The following BANK1 variants were observed in gnomAD, a reference collection of about 807,000 sequenced individuals.
The protein encoded by BANK1 is B-cell scaffold protein with ankyrin repeats.
In BANK1, 95 loss-of-function variants were observed where a neutral mutation model predicts 94.5. The observed-to-expected ratio is 1.00, with a 90% CI of 0.85 to 1.19. The LOEUF (loss-of-function observed/expected upper bound fraction) is 1.19. BANK1 is among the 50% of genes most tolerant of loss of function. The pLI is 0.00. For synonymous variants in BANK1, 334 were observed against 308.4 expected (o/e 1.08, Z -0.87); for missense variants, 987 against 932.2 (o/e 1.06, Z -0.77).
At position 101,803,728 on chromosome 4, in the gene BANK1, T is replaced by C. The variant is rs575040249; in HGVS notation, c.70+12778T>C. ...AAATATATAAAAAGGCCGGGCGCGG[T>C]GGCTCACGCCTGTAATCCCAGCACT... is the stretch of plus-strand genomic sequence containing the variant. On this transcript the variant is annotated intron_variant, in intron 1 of 16. Coordinates refer to ENST00000322953, the MANE Select transcript of BANK1 (RefSeq NM_017935.5). Among the ~76,000 whole-genome samples the C allele has an allele frequency of 9.2e-5, 14 of 152,080 alleles. No homozygotes were observed. The South Asian group carries it at 1.5e-3, about 16-fold the overall frequency.
At chr4:102,027,713 A>G (rs1248293463) in intron 9 of BANK1, among the ~76,000 whole-genome samples, 1 of 152,042 alleles carries the variant, frequency 6.6e-6, no homozygotes, top group African/African-American at 2.4e-5. Context: ...TAGGCATCAA[A>G]TTCCTCACAG....
At chr4:101,915,529 C>A (rs548969320) in intron 6 of BANK1, among the ~76,000 whole-genome samples, 1 of 152,062 alleles carries the variant, frequency 6.6e-6, no homozygotes, top group African/African-American at 2.4e-5. Context: ...TATGAAGTTT[C>A]TTGAGACAAT....
intron 4 of BANK1, among the ~76,000 whole-genome samples, chr4:101,868,056 T>A (rs180979540): frequency 1.8e-4 from 27 of 152,064 alleles, no homozygotes; most frequent in Admixed American, 2.6e-4. Context: ...AATAATATGT[T>A]GTCTATAAAA....
intron 7 of BANK1, among the ~76,000 whole-genome samples, chr4:101,964,054 A>T (rs1277042082): frequency 6.6e-6 from 1 of 152,110 alleles, no homozygotes; most frequent in African/African-American, 2.4e-5. Context: ...AGTGGGAACT[A>T]TCATTTTGTC....
chr4:101,812,177 C>T (rs2148854861), intron 1 of BANK1, among the ~76,000 whole-genome samples: 1 of 151,850 alleles, frequency 6.6e-6, no homozygotes, highest in African/African-American at 2.4e-5. Context: ...AGATTAGAGT[C>T]ATAGATGGGT....
chr4:101,929,689 G>A (rs987470478), intron 7 of BANK1, among the ~76,000 whole-genome samples: 8 of 151,268 alleles, frequency 5.3e-5, no homozygotes, highest in African/African-American at 1.9e-4. Flanking sequence ...AAAAATTTAA[G>A]TTGCAATCAT....
At chr4:101,990,813 TTA>T (rs1365589649) in intron 7 of BANK1, among the ~76,000 whole-genome samples, 1 of 152,188 alleles carries the variant, frequency 6.6e-6, no homozygotes, top group Admixed American at 6.5e-5. Context: ...GGCAAATTAT[TTA>T]TCTTTGCCTC....
chr4:101,820,099 A>G (rs757832906), intron 1 of BANK1, among the ~76,000 whole-genome samples: 2 of 152,202 alleles, frequency 1.3e-5, no homozygotes, highest in Non-Finnish European at 2.9e-5. Flanking sequence ...TTAATTAACC[A>G]TTCTAATAGG....
rs942288966 is a variant in BANK1, at chr4:102,029,236, A to G, written c.1595-724A>G. Reference sequence around the variant, plus strand: ...GCCCATGTTGGCTTGTAGAAAACAAAAGCTGCATTTCTGAAGGTCAGTTTG... The same window carrying G: ...GCCCATGTTGGCTTGTAGAAAACAAGAGCTGCATTTCTGAAGGTCAGTTTG... On this transcript the variant is annotated intron_variant, in intron 9 of 16. Transcript: ENST00000322953. Among the ~76,000 whole-genome samples the G allele has an allele frequency of 4.6e-5, 7 of 152,150 alleles. No individual in the cohort carries two copies. The South Asian group carries it at 8.3e-4, about 18-fold the overall frequency.
intron 2 of BANK1, among the ~76,000 whole-genome samples, chr4:101,847,564 T>C (rs1727295340): frequency 6.6e-6 from 1 of 152,074 alleles, no homozygotes; most frequent in African/African-American, 2.4e-5. Context: ...CATTGCATCA[T>C]TCTTATGCCT....
intron 7 of BANK1, among the ~76,000 whole-genome samples, chr4:101,934,069 A>G (rs909673477): frequency 6.6e-6 from 1 of 151,402 alleles, no homozygotes; most frequent in African/African-American, 2.4e-5. Context: ...CAAGCTTCAC[A>G]GGGTATGAAG....
intron 6 of BANK1, among the ~76,000 whole-genome samples, chr4:101,910,466 G>A (rs1242763743): frequency 1.3e-5 from 2 of 151,998 alleles, no homozygotes; most frequent in African/African-American, 4.8e-5. Flanking sequence ...CTGATCACCT[G>A]AGGTCGGGAG....
intron 7 of BANK1, among the ~76,000 whole-genome samples, chr4:101,987,370 C>G (rs80171440): frequency 0.026 from 3,963 of 152,162 alleles, 180 homozygotes; most frequent in African/African-American, 0.092. Context: ...GAAACTGAGT[C>G]ACAGAGAGTT....
chr4:102,052,557 G>A (rs1728089008), intron 11 of BANK1, among the ~76,000 whole-genome samples: 1 of 152,100 alleles, frequency 6.6e-6, no homozygotes. Context: ...GAGTAAGGTT[G>A]CCAGATATCA....
chr4:101,867,195 A>T (rs1432298148), intron 4 of BANK1, among the ~76,000 whole-genome samples: 2 of 151,362 alleles, frequency 1.3e-5, no homozygotes, highest in Non-Finnish European at 2.9e-5. Context: ...AAAAAAAAAA[A>T]AGAATTACGT....
intron 7 of BANK1, among the ~76,000 whole-genome samples, chr4:101,936,008 G>A (rs979436987): frequency 2.0e-5 from 3 of 151,342 alleles, no homozygotes; most frequent in Admixed American, 6.6e-5. Flanking sequence ...TCAGGGCAAA[G>A]ATTTCTTGAG....
intron 7 of BANK1, among the ~76,000 whole-genome samples, chr4:101,919,202 T>G (rs1355522312): frequency 6.6e-6 from 1 of 151,978 alleles, no homozygotes; most frequent in Non-Finnish European, 1.5e-5. Context: ...TACTGTTATT[T>G]AATACATTTT....
intron 7 of BANK1, among the ~76,000 whole-genome samples, chr4:101,982,595 G>T (rs937402543): frequency 6.6e-6 from 1 of 151,408 alleles, no homozygotes; most frequent in South Asian, 2.1e-4. Flanking sequence ...TTTTTTATTC[G>T]GCAAAAGTAC....
At chr4:101,929,512 T>C (rs1723275637) in intron 7 of BANK1, among the ~76,000 whole-genome samples, 1 of 151,626 alleles carries the variant, frequency 6.6e-6, no homozygotes, top group Non-Finnish European at 1.5e-5. Context: ...TTTCTCTCTT[T>C]TCTACTGTAT....
Sources: gnomAD v4.1 joint callset for allele counts (sites outside exome capture counted in the v4.1 genomes callset) on GRCh38, gnomAD v4.1.1 for gene constraint, MANE v1.5 for transcripts, NCBI Gene and HGNC (gene_info 2026-07-23, HGNC 2026-07-21) for gene names.